The following MYBPC1 variants were observed in gnomAD, a reference collection of about 807,000 sequenced individuals.
MYBPC1 encodes the protein myosin binding protein C1.
In MYBPC1, 52 loss-of-function variants were observed where a neutral mutation model predicts 147.1. The ratio of observed to expected loss-of-function variants is 0.35; its 90% confidence interval spans 0.28 to 0.45. The LOEUF (loss-of-function observed/expected upper bound fraction) is 0.45. MYBPC1 is among the 20% of genes least tolerant of loss of function. The probability of loss-of-function intolerance (pLI) is 1.00; values close to 1 mark genes in which losing one functional copy is unlikely to be tolerated. For synonymous variants in MYBPC1, 477 were observed against 475.9 expected, an observed-to-expected ratio of 1.00 and a Z score of -0.03; for missense variants, 1,228 against 1,440.3, an observed-to-expected ratio of 0.85 and a Z score of 2.39.
the MYBPC1 span, among the ~76,000 whole-genome samples, chr12:101,694,500 G>T: frequency 6.6e-6 from 1 of 152,216 alleles, no homozygotes. Flanking sequence ...CATGAGGGTG[G>T]GGCCTTCATG....
At chr12:101,661,766 G>C (rs1896587121) in intron 20 of MYBPC1, among the ~76,000 whole-genome samples, 1 of 151,704 alleles carries the variant, frequency 6.6e-6, no homozygotes, top group African/African-American at 2.4e-5. Context: ...GTGCGCACCT[G>C]TGGTCCCAGC....
intron 12 of MYBPC1, among the ~76,000 whole-genome samples, chr12:101,645,640 A>G (rs1338907200): frequency 6.6e-6 from 1 of 152,230 alleles, no homozygotes; most frequent in Non-Finnish European, 1.5e-5. Flanking sequence ...GATGGCCTGA[A>G]TTTACCAAAA....
chr12:101,640,894 C>G (rs1452785828), intron 10 of MYBPC1, among the ~76,000 whole-genome samples: 3 of 152,006 alleles, frequency 2.0e-5, no homozygotes, highest in African/African-American at 7.3e-5. Context: ...GTGGACGGAT[C>G]ACTTGAGGTC....
intron 10 of MYBPC1, among the ~76,000 whole-genome samples, chr12:101,639,183 T>C (rs943224842): frequency 6.6e-6 from 1 of 152,252 alleles, no homozygotes; most frequent in East Asian, 1.9e-4. Flanking sequence ...TTGTAAGTTG[T>C]ACTCTACATA....
At chr12:101,605,330 A>G (rs929880420) in intron 1 of MYBPC1, among the ~76,000 whole-genome samples, 2 of 152,254 alleles carry the variant, frequency 1.3e-5, no homozygotes, top group Non-Finnish European at 1.5e-5. Flanking sequence ...TATATGATAT[A>G]TATGACCTGA....
chr12:101,632,619 A>G (rs79805859), intron 8 of MYBPC1, among the ~76,000 whole-genome samples: 2,424 of 152,352 alleles, frequency 0.016, 45 homozygotes, highest in Non-Finnish European at 0.018. Context: ...ATGAGGTTGG[A>G]AAAAAACTCG....
chr12:101,690,799 G>A (rs67488880), downstream of MYBPC1, among the ~76,000 whole-genome samples: 11,118 of 152,120 alleles, frequency 0.073, 610 homozygotes, highest in African/African-American at 0.16. Flanking sequence ...GGAGAGCAAA[G>A]GTTTTAGTCA....
intron 3 of MYBPC1, among the ~76,000 whole-genome samples, chr12:101,621,310 T>G (rs1308082118): frequency 6.6e-6 from 1 of 152,234 alleles, no homozygotes; most frequent in Non-Finnish European, 1.5e-5. Flanking sequence ...TAGGCAAGAT[T>G]GATTTAATAG....
Position 101,678,258 on chromosome 12 carries a change from C to G in MYBPC1, c.3246+20C>G. On this transcript the variant is annotated intron_variant, in intron 28 of 31. Coordinates refer to ENST00000361466, the MANE Select transcript of MYBPC1 (RefSeq NM_002465.4). The stretch of plus-strand genomic sequence containing the variant: ...CCTAAGGTACCATGTTCTTCTATCA[C>G]ATCAGTTAAAGTCCCTGTCTTGTAT... The G allele has an allele frequency of 3.1e-6, 5 of 1,613,426 alleles. No individual in the cohort carries two copies. Among genetic ancestry groups the G allele is most frequent in the Non-Finnish European group, 4.2e-6 (5 of 1,179,356 alleles).
rs113963382 is a variant in MYBPC1 at position 101,652,137 on chromosome 12, A to G, written c.1527-541A>G. Among the ~76,000 whole-genome samples, 867 of 152,314 alleles carry G rather than the reference A, an allele frequency of 5.7e-3. 10 individuals carry two copies. Among genetic ancestry groups the G allele is most frequent in the African/African-American group, 0.02 (829 of 41,558 alleles). ...CTTTGAATTCATGGGCTTTTAGGGT[A>G]TCATAAATGAACTTTAGGAAGCCCC... is the stretch of plus-strand genomic sequence containing the variant. On this transcript the variant is annotated intron_variant, in intron 16 of 31. Coordinates refer to ENST00000361466, the MANE Select transcript of MYBPC1 (RefSeq NM_002465.4).
chr12:101,638,045 G>A (rs1217090216), intron 10 of MYBPC1, among the ~76,000 whole-genome samples: 1 of 152,164 alleles, frequency 6.6e-6, no homozygotes. Context: ...AAGTCACACA[G>A]GAGTTAGAGG....
intron 1 of MYBPC1, among the ~76,000 whole-genome samples, chr12:101,610,545 T>A (rs1372871962): frequency 5.9e-5 from 9 of 152,122 alleles, no homozygotes; most frequent in Admixed American, 5.9e-4. Flanking sequence ...AAAATGATGA[T>A]CATAATGATA....
chr12:101,624,683 A>ATTTT lies in MYBPC1; in HGVS notation c.104-2166_104-2163dup, dbSNP rs57175970. 3.0e-3 allele frequency among the ~76,000 whole-genome samples: 300 copies of ATTTT among 99,086 alleles called. 9 individuals are homozygous for ATTTT. In the South Asian group the frequency reaches 0.038, roughly 12 times the overall value. 65.0% of individuals were successfully genotyped at this position (99,086 alleles called of 152,430 possible). A position where few individuals can be genotyped will look rare whatever the true frequency, so the allele number is the denominator to read the frequency against. ...AATAATATACAAGCCCGGCTAATTA[A>ATTTT]TTTTTTTTTTTTTTTTTTTTTTTTT... On this transcript the variant is annotated intron_variant, in intron 3 of 31. Transcript: ENST00000361466.
chr12:101,601,133 T>C lies in MYBPC1; in HGVS notation c.25+6038T>C, dbSNP rs1183126025. 2.0e-5 allele frequency among the ~76,000 whole-genome samples: 3 copies of C among 152,180 alleles called. No homozygotes were observed. The East Asian group carries it at 5.8e-4, about 29-fold the overall frequency. ...TTCCTAAAATTTGAGAGCATACCAG[T>C]TAAGGAAAGCCAAACTGTGAAAAAG... is the stretch of plus-strand genomic sequence containing the variant. On this transcript the variant is annotated intron_variant, in intron 1 of 31. Coordinates refer to ENST00000361466, the MANE Select transcript of MYBPC1 (RefSeq NM_002465.4).
At chr12:101,682,989 C>A (rs766255006) in intron 30 of MYBPC1, among the ~76,000 whole-genome samples, 1 of 152,132 alleles carries the variant, frequency 6.6e-6, no homozygotes, top group Non-Finnish European at 1.5e-5. Flanking sequence ...TTAATATTTT[C>A]ATTTTTTAAA....
At chr12:101,652,559 TCC>T in intron 16 of MYBPC1, 117 bp from the exon 17 acceptor site, 2 of 722,132 alleles carry the variant, frequency 2.8e-6, no homozygotes, top group Non-Finnish European at 2.5e-6. Flanking sequence ...TCTCTCTCTC[TCC>T]CTCTCTTTCC....
chr12:101,614,999 T>C (rs1320338910), intron 2 of MYBPC1: 5 of 214,750 alleles, frequency 2.3e-5, no homozygotes, highest in African/African-American at 7.0e-5. Context: ...CTCCAGAAAC[T>C]CCCTAGCAGC....
Position 101,685,769 on chromosome 12 carries a change from G to T in MYBPC1, c.*207G>T, listed in dbSNP as rs544331492. On this transcript the variant is annotated 3_prime_UTR_variant, in exon 32 of 32. Transcript: ENST00000361466. ...AAAGCATTTTCTGTTTTCCCACCAG[G>T]CCCCCAAGTGTGGTCTTTTTCTTTC... 6 of 910,454 alleles carry T rather than the reference G, an allele frequency of 6.6e-6. No individual in the cohort carries two copies. In the South Asian group the frequency reaches 1.1e-4, roughly 17 times the overall value. 56.4% of individuals were successfully genotyped at this position (910,454 alleles called of 1,614,324 possible). A position where few individuals can be genotyped will look rare whatever the true frequency, so the allele number is the denominator to read the frequency against.
intron 6 of MYBPC1, 130 bp downstream of exon 6, chr12:101,629,674 A>T: frequency 1.4e-6 from 1 of 706,392 alleles, no homozygotes; most frequent in South Asian, 1.5e-5. Context: ...GGAGTTCGAG[A>T]CCAGCCTGGC....
Sources: gnomAD v4.1 joint callset for allele counts (sites outside exome capture counted in the v4.1 genomes callset) on GRCh38, gnomAD v4.1.1 for gene constraint, MANE v1.5 for transcripts, NCBI Gene and HGNC (gene_info 2026-07-23, HGNC 2026-07-21) for gene names.